HERC2: variants seen among roughly 807,000 people sequenced by gnomAD.
HERC2 encodes E3 ubiquitin-protein ligase HERC2.
HERC2 carries 102 observed loss-of-function variants against 537.7 expected under a neutral mutation model. That is an observed-to-expected ratio of 0.19 (90% CI 0.16 to 0.22). HERC2 has a LOEUF of 0.22. Ranked by LOEUF, HERC2 falls within the 10% of genes least tolerant of loss-of-function variation. The pLI is 1.00. For synonymous variants in HERC2, 2,224 were observed against 2,466.2 expected (o/e 0.90, Z 2.91); for missense variants, 4,236 against 6,198.2 (o/e 0.68, Z 10.63).
chr15:28,288,380 G>GCCA (rs1316277095), intron 4 of HERC2, among the ~76,000 whole-genome samples: 1 of 147,988 alleles, frequency 6.8e-6, no homozygotes, highest in East Asian at 2.0e-4. Flanking sequence ...TACAAAATTA[G>GCCA]CCAGGTGTGG....
chr15:28,265,204 G>C lies in HERC2; in HGVS notation c.1870+414C>G, dbSNP rs752753358. ...TTGAAAAAAGGATGATCTCACTTAG[G>C]AACACAAACATAAAACCAAAATTCA... On this transcript the variant is annotated intron_variant, in intron 14 of 92. Coordinates refer to ENST00000261609, the MANE Select transcript of HERC2 (RefSeq NM_004667.6). This position sits in a 1 kb window ranked among gnomAD's most constrained non-coding sequence, Gnocchi z 4.0. Among the ~76,000 whole-genome samples, 2 of 151,958 alleles carry C rather than the reference G, an allele frequency of 1.3e-5. No individual in the cohort carries two copies. The highest frequency in any genetic ancestry group is 4.8e-5 in the African/African-American group (2 of 41,348).
At chr15:28,303,817 T>C (rs1329964715) in intron 2 of HERC2, among the ~76,000 whole-genome samples, 1 of 152,208 alleles carries the variant, frequency 6.6e-6, no homozygotes, top group Non-Finnish European at 1.5e-5. Context: ...GTAGCTATTA[T>C]AAATGGAATT....
chr15:28,144,240 G>A lies in HERC2; in HGVS notation c.11141-5C>T. On this transcript the variant is annotated splice_region_variant and splice_polypyrimidine_tract_variant and intron_variant, in intron 72 of 92. Coordinates refer to ENST00000261609, the MANE Select transcript of HERC2 (RefSeq NM_004667.6). ...CAGAGAGGAGTTCTTTAGGGCCTGT[G>A]AATGAACACTGTAAACATCCCCGGG... is the stretch of plus-strand genomic sequence containing the variant. 6.2e-7 allele frequency: 1 copy of A among 1,613,528 alleles called. No homozygotes were observed.
chr15:28,148,919 A>C (rs1258936946), intron 70 of HERC2, among the ~76,000 whole-genome samples: 3 of 146,850 alleles, frequency 2.0e-5, no homozygotes, highest in African/African-American at 7.7e-5. Context: ...AAAACACACA[A>C]CTCCTAACTG....
At chr15:28,165,681 C>T (rs920348500) in intron 68 of HERC2, among the ~76,000 whole-genome samples, 1 of 151,846 alleles carries the variant, frequency 6.6e-6, no homozygotes, top group African/African-American at 2.4e-5. Flanking sequence ...GTGGTGCATG[C>T]TTGTAGTTCC....
chr15:28,288,779 G>C (rs2525959), intron 4 of HERC2, among the ~76,000 whole-genome samples: 24 of 151,244 alleles, frequency 1.6e-4, no homozygotes, highest in East Asian at 5.8e-4. Context: ...ACCCACGTGG[G>C]GGAGGTTGCA....
chr15:28,127,087 G>A (rs58172384), intron 83 of HERC2, among the ~76,000 whole-genome samples: 4,755 of 152,310 alleles, frequency 0.031, 234 homozygotes, highest in African/African-American at 0.11. Flanking sequence ...GTCAAATCCA[G>A]AGAGACTCCT....
intron 73 of HERC2, 23 bp downstream of exon 73, chr15:28,144,053 TG>T: frequency 1.2e-6 from 2 of 1,614,086 alleles, no homozygotes; most frequent in Non-Finnish European, 1.7e-6. Flanking sequence ...GGAAGACAGA[TG>T]TAACTGTAAT....
At chr15:28,280,530 G>A (rs1434082021) in intron 4 of HERC2, among the ~76,000 whole-genome samples, 3 of 152,106 alleles carry the variant, frequency 2.0e-5, no homozygotes, top group South Asian at 4.2e-4. Flanking sequence ...CAACTTGTCC[G>A]AGGCCACACA....
In HERC2 at chr15:28,260,815, T is replaced by G. The variant is rs1206812476; in HGVS notation, c.2278A>C (p.Thr760Pro). 1 of 1,614,126 alleles carries G rather than the reference T, an allele frequency of 6.2e-7. No individual in the cohort carries two copies. Among genetic ancestry groups the G allele is most frequent in the East Asian group, 2.2e-5 (1 of 44,902 alleles). Residue 760 changes from threonine (T) to proline (P), a missense_variant, in exon 16 of 93, where the codon ACC (threonine) becomes CCC (proline). Thr to Pro is a conservative substitution (Grantham distance 38). This residue lies in a region of HERC2 where 754 missense variants were observed against 1,085.0 expected (regional missense o/e 0.69). Transcript: ENST00000261609. ...PEPAALPGLD[T>P]KHIVGIACGP... is the part of the protein sequence containing the mutation. ...CAGGCAATTCCCACTATGTGTTTGGTGTCCAGTCCTGGCAATGCTGCAGGT... is the reference window on the plus strand; with the variant it reads ...CAGGCAATTCCCACTATGTGTTTGGGGTCCAGTCCTGGCAATGCTGCAGGT...
At chr15:28,241,017 T>G (rs1251479747) in intron 23 of HERC2, among the ~76,000 whole-genome samples, 1 of 152,144 alleles carries the variant, frequency 6.6e-6, no homozygotes, top group Non-Finnish European at 1.5e-5. Flanking sequence ...CCAAAAGCAG[T>G]GCAGGCAACA....
chr15:28,226,973 C>T (rs546588984), intron 35 of HERC2, among the ~76,000 whole-genome samples: 2 of 152,246 alleles, frequency 1.3e-5, no homozygotes, highest in South Asian at 2.1e-4. Context: ...GATGACAACC[C>T]TATTTAAAAA....
rs901864546 is a variant in HERC2, at chr15:28,320,644, A to C, written c.72+718T>G. On this transcript the variant is annotated intron_variant, in intron 2 of 92. Transcript: ENST00000261609. ...ATACAGACACACACAAAATATTTCA[A>C]ACACTTCTTTTTGCTGCTGATAAGG... Among the ~76,000 whole-genome samples the C allele has an allele frequency of 1.6e-4, 24 of 151,902 alleles. 1 individual carries two copies. Among genetic ancestry groups the C allele is most frequent in the Non-Finnish European group, 2.8e-4 (19 of 67,990 alleles).
chr15:28,195,523 G>A (rs73362627), intron 52 of HERC2, among the ~76,000 whole-genome samples: 3,594 of 152,214 alleles, frequency 0.024, 117 homozygotes, highest in African/African-American at 0.082. Flanking sequence ...AAAGGATGAC[G>A]TTCTGACACA....
At chr15:28,166,752 G>C (rs763582334) in intron 68 of HERC2, among the ~76,000 whole-genome samples, 2 of 152,042 alleles carry the variant, frequency 1.3e-5, no homozygotes, top group Admixed American at 6.5e-5. Flanking sequence ...CAGTCCACGG[G>C]AGTCCCAGTG....
intron 35 of HERC2, among the ~76,000 whole-genome samples, chr15:28,223,912 T>C (rs2140524187): frequency 6.6e-6 from 1 of 152,172 alleles, no homozygotes; most frequent in Admixed American, 6.5e-5. Flanking sequence ...TGATTTGTGC[T>C]GTGATTGTTA....
At position 28,237,006 on chromosome 15, in the gene HERC2, C is replaced by T. The variant is rs4035909; in HGVS notation, c.3960G>A (p.Leu1320=). The change falls in exon 26 of 93, where the codon TTG becomes TTA. Residue 1320 remains leucine (L), a synonymous_variant. Coordinates refer to ENST00000261609, the MANE Select transcript of HERC2 (RefSeq NM_004667.6). The stretch of plus-strand genomic sequence containing the variant: ...CAGGAGACAGCGGTGTGCTCATTGC[C>T]AAATACGAAGCGTGTAATCCGAGAA... ...GLLLGLHASY[L]AMSTPLSPVE... is the part of the protein sequence containing the mutation. The T allele has an allele frequency of 6.2e-7, 1 of 1,611,960 alleles. No homozygotes were observed. The highest frequency in any genetic ancestry group is 8.5e-7 in the Non-Finnish European group (1 of 1,179,834).
chr15:28,313,801 A>G (rs997851700), intron 2 of HERC2, among the ~76,000 whole-genome samples: 65 of 152,310 alleles, frequency 4.3e-4, no homozygotes, highest in Admixed American at 7.8e-4. Flanking sequence ...AAGCAGTAAG[A>G]TAGTGAGGTC....
At position 28,163,187 on chromosome 15, in the gene HERC2, G is replaced by T; in HGVS notation, c.10653C>A (p.Asp3551Glu). The T allele has an allele frequency of 6.2e-7, 1 of 1,613,764 alleles. No homozygotes were observed. The highest frequency in any genetic ancestry group is 8.5e-7 in the Non-Finnish European group (1 of 1,180,018). ...GGCTGCACACTGACAGCTTGAGCAG[G>T]TCTACCACCACACGAGTGTCATCCG... Reference protein sequence around the residue: ...LIADDTRVVVDLLKLSVCSRA... With the variant: ...LIADDTRVVVELLKLSVCSRA... The change falls in exon 69 of 93, where the codon GAC (aspartate) becomes GAA (glutamate). Residue 3551 changes from aspartate to glutamate, a missense_variant. Asp to Glu is a conservative substitution (Grantham distance 45, BLOSUM62 2). Coordinates refer to ENST00000261609, the MANE Select transcript of HERC2 (RefSeq NM_004667.6).
Sources: gnomAD v4.1 joint callset for allele counts (sites outside exome capture counted in the v4.1 genomes callset) on GRCh38, gnomAD v4.1.1 for gene constraint, gnomAD v4.1.1 regional missense constraint, Gnocchi (gnomAD v3.1) non-coding constraint, MANE v1.5 for transcripts, NCBI Gene and HGNC (gene_info 2026-07-23, HGNC 2026-07-21) for gene names.